Variants in CCDC171 observed in about 807,000 individuals in gnomAD.
CCDC171 encodes the protein coiled-coil domain containing 171, also known as coiled-coil domain-containing protein 171.
CCDC171 carries 177 observed loss-of-function variants against 168.2 expected under a neutral mutation model. The ratio of observed to expected loss-of-function variants is 1.05; its 90% CI spans 0.93 to 1.19. The LOEUF (loss-of-function observed/expected upper bound fraction) is 1.19. CCDC171 is among the 50% of genes most tolerant of loss of function. The pLI, the probability that CCDC171 is intolerant of heterozygous loss-of-function variation, is 0.00. For missense variants in CCDC171, 1,991 were observed against 1,539.0 expected, an observed-to-expected ratio of 1.29 and a Z score of -4.91; for synonymous variants, 687 against 540.8, an observed-to-expected ratio of 1.27 and a Z score of -3.75.
At chr9:15,799,845 GC>G (rs2058735553) in intron 21 of CCDC171, among the ~76,000 whole-genome samples, 1 of 151,812 alleles carries the variant, frequency 6.6e-6, no homozygotes, top group African/African-American at 2.4e-5. Flanking sequence ...TGGATTTTTA[GC>G]CCCTCCAAAT....
At chr9:15,979,146 TTTTGA>T (rs750470974) in intron 3 of CCDC171, among the ~76,000 whole-genome samples, 1 of 152,224 alleles carries the variant, frequency 6.6e-6, no homozygotes, top group Non-Finnish European at 1.5e-5. Context: ...TTTAATTGAC[TTTTGA>T]TTTATTTCCA....
intron 15 of CCDC171, among the ~76,000 whole-genome samples, chr9:15,728,837 C>G (rs545054748): frequency 6.6e-6 from 1 of 152,038 alleles, no homozygotes; most frequent in African/African-American, 2.4e-5. Flanking sequence ...AAGAGAAAAA[C>G]TGTCCCGTAA....
rs973373094 is a variant in CCDC171 at position 15,839,971 on chromosome 9, T to G, written c.3268-6731T>G. On this transcript the variant is annotated intron_variant, in intron 21 of 25. Coordinates refer to ENST00000380701, the MANE Select transcript of CCDC171 (RefSeq NM_173550.4). ...TATTTTCCCAATTTTAAATTTGACC[T>G]TCAAATTCTCTTAAATAATTGAATT... Among the ~76,000 whole-genome samples, 4 of 130,986 alleles carry G rather than the reference T, an allele frequency of 3.1e-5. No individual in the cohort carries two copies. The East Asian group carries it at 1.3e-3, about 44-fold the overall frequency. The allele number at this position is 130,986 out of a possible 152,430, so 85.9% of individuals were successfully genotyped here.
intron 4 of CCDC171, among the ~76,000 whole-genome samples, chr9:15,590,946 C>A (rs2041967859): frequency 6.6e-6 from 1 of 151,522 alleles, no homozygotes; most frequent in South Asian, 2.1e-4. Context: ...AACTCCTAGG[C>A]TCAAGTGATC....
intron 23 of CCDC171, among the ~76,000 whole-genome samples, chr9:15,862,165 CTCT>C (rs1381562872): frequency 1.1e-5 from 1 of 90,314 alleles, no homozygotes; most frequent in Non-Finnish European, 2.3e-5. Context: ...TTTAAAAATT[CTCT>C]TTTTTTGAAT....
the CCDC171 span, among the ~76,000 whole-genome samples, chr9:16,107,780 G>A: frequency 6.6e-6 from 1 of 152,016 alleles, no homozygotes; most frequent in Non-Finnish European, 1.5e-5. Context: ...CGTTCCACAT[G>A]GCCATAAGTT....
intron 3 of CCDC171, among the ~76,000 whole-genome samples, chr9:15,573,010 T>C (rs999121886): frequency 6.6e-6 from 1 of 152,024 alleles, no homozygotes; most frequent in Non-Finnish European, 1.5e-5. Context: ...AATACAAAAA[T>C]CAGCTGGGCG....
At position 15,920,381 on chromosome 9, in the gene CCDC171, C is replaced by G. The variant is rs1254309490; in HGVS notation, c.3712C>G (p.Leu1238Val). 8.7e-6 allele frequency: 14 copies of G among 1,608,898 alleles called. No individual in the cohort carries two copies. Among genetic ancestry groups the G allele is most frequent in the South Asian group, 1.1e-5 (1 of 90,440 alleles). ...TCACATTGCAGCCTTGAAATCAGAA[C>G]TTCACACAGCTTGTTTACGTGAAAA... ...RSHIAALKSE[L>V]HTACLRENAS... Residue 1238 changes from leucine to valine, a missense_variant, in exon 25 of 26, where the codon CTT becomes GTT. Transcript: ENST00000380701.
chr9:16,012,982 G>C (rs1348199272), intron 3 of CCDC171, among the ~76,000 whole-genome samples: 3 of 152,054 alleles, frequency 2.0e-5, no homozygotes, highest in Non-Finnish European at 4.4e-5. Context: ...ATGGTACTTC[G>C]ACTTCTCAAG....
At chr9:15,735,986 C>G (rs2054469357) in intron 16 of CCDC171, among the ~76,000 whole-genome samples, 1 of 151,944 alleles carries the variant, frequency 6.6e-6, no homozygotes, top group South Asian at 2.1e-4. Context: ...TTTTGTATGT[C>G]TCTCCTTATG....
Position 15,819,822 on chromosome 9 carries a change from G to C in CCDC171, c.3268-26880G>C, listed in dbSNP as rs1349576360. On this transcript the variant is annotated intron_variant, in intron 21 of 25. Coordinates refer to ENST00000380701, the MANE Select transcript of CCDC171 (RefSeq NM_173550.4). ...CAAGGATATCCAGGAATTGAACTCA[G>C]CTCTGCACGAAGAGGACCTAATAGA... Among the ~76,000 whole-genome samples, 2 of 116,978 alleles carry C rather than the reference G, an allele frequency of 1.7e-5. 1 individual carries two copies. The highest frequency in any genetic ancestry group is 3.8e-5 in the Non-Finnish European group (2 of 52,250). 76.7% of individuals were successfully genotyped at this position (116,978 alleles called of 152,430 possible).
intron 3 of CCDC171, among the ~76,000 whole-genome samples, chr9:16,020,283 G>T (rs1475026902): frequency 6.6e-6 from 1 of 151,758 alleles, no homozygotes; most frequent in South Asian, 2.1e-4. Context: ...TTTATACTTG[G>T]GTCCTATCCC....
chr9:15,966,698 C>T (rs1034958991), intron 25 of CCDC171, among the ~76,000 whole-genome samples: 5 of 152,100 alleles, frequency 3.3e-5, no homozygotes, highest in Non-Finnish European at 5.9e-5. Context: ...TGCATTTTTG[C>T]CATTAACTCA....
chr9:15,686,943 C>G (rs1258007055), intron 10 of CCDC171, among the ~76,000 whole-genome samples: 4 of 152,048 alleles, frequency 2.6e-5, no homozygotes, highest in Admixed American at 2.0e-4. Context: ...CACCCATTAG[C>G]AAAAGAAGAT....
chr9:15,822,566 CA>C, intron 21 of CCDC171, among the ~76,000 whole-genome samples: 1 of 152,040 alleles, frequency 6.6e-6, no homozygotes, highest in African/African-American at 2.4e-5. Flanking sequence ...TTTATGCAGC[CA>C]AAAAACACAT....
At chr9:15,948,902 C>T (rs1220422929) in intron 25 of CCDC171, among the ~76,000 whole-genome samples, 1 of 152,052 alleles carries the variant, frequency 6.6e-6, no homozygotes, top group Non-Finnish European at 1.5e-5. Context: ...TTGCCCATGC[C>T]TATGTCCTGA....
At chr9:16,029,288 A>G (rs945923247) in intron 6 of CCDC171, among the ~76,000 whole-genome samples, 6 of 138,430 alleles carry the variant, frequency 4.3e-5, no homozygotes, top group Non-Finnish European at 9.6e-5. Context: ...CATGCCCACA[A>G]AAATTCTGGT....
rs547306425 is a variant in CCDC171, at chr9:16,009,772, T to C, written n.369-10817T>C. On this transcript the variant is annotated intron_variant and non_coding_transcript_variant, in intron 3 of 9. Transcript: ENST00000486641. ...TTCTGAGTTATTTAGTCCAATATTA[T>C]TTGGAAGGGAAATGGAACTAATTTT... Among the ~76,000 whole-genome samples, 245 of 152,272 alleles carry C rather than the reference T, an allele frequency of 1.6e-3. 1 individual carries two copies. The highest frequency in any genetic ancestry group is 3.3e-3 in the Admixed American group (50 of 15,290).
At chr9:15,988,427 G>C (rs1387074074) in intron 3 of CCDC171, among the ~76,000 whole-genome samples, 1 of 152,168 alleles carries the variant, frequency 6.6e-6, no homozygotes, top group East Asian at 1.9e-4. Flanking sequence ...AGAAGTTTCT[G>C]TTTCATTTGG....
Sources: allele counts gnomAD v4.1 joint callset (sites outside exome capture counted in the v4.1 genomes callset), GRCh38; gene constraint gnomAD v4.1.1; transcripts MANE v1.5; gene names NCBI Gene and HGNC (gene_info 2026-07-23, HGNC 2026-07-21).